DGKZ: variants seen among roughly 807,000 people sequenced by gnomAD.
DGKZ encodes diacylglycerol kinase zeta.
In DGKZ, 45 loss-of-function variants were observed where a neutral mutation model predicts 142.5. The ratio of observed to expected loss-of-function variants is 0.32; its 90% CI spans 0.25 to 0.40. The LOEUF (loss-of-function observed/expected upper bound fraction) is 0.40, where lower values mean the gene tolerates loss of function less well. DGKZ is among the 10% of genes least tolerant of loss of function. The pLI, the probability that DGKZ is intolerant of heterozygous loss-of-function variation, is 1.00. For synonymous variants in DGKZ, 442 were observed against 527.0 expected (o/e 0.84, Z 2.21); for missense variants, 755 against 1,306.5 (o/e 0.58, Z 6.51).
chr11:46,335,423 G>GCA (rs965993033), intron 1 of DGKZ, among the ~76,000 whole-genome samples: 7 of 143,722 alleles, frequency 4.9e-5, no homozygotes, highest in African/African-American at 2.1e-4. Flanking sequence ...TTGCACACGT[G>GCA]CACGCACACA....
chr11:46,347,259 C>T (rs910465314), upstream of DGKZ: 2 of 963,608 alleles, frequency 2.1e-6, no homozygotes, highest in Non-Finnish European at 2.5e-6. The surrounding 1 kb of genome is among the most constrained non-coding windows in gnomAD (Gnocchi z 6.4). Context: ...TCCAGGCGGG[C>T]CGGGCCGGGC....
At chr11:46,379,061 A>T in exon 28 of DGKZ, 1 of 1,600,138 alleles carries the variant, frequency 6.2e-7, no homozygotes, top group South Asian at 1.1e-5. Context: ...CTCCTGCACC[A>T]CGCAGTCAGC....
At chr11:46,363,739 C>T (rs1377328605) in intron 1 of DGKZ, among the ~76,000 whole-genome samples, 1 of 152,224 alleles carries the variant, frequency 6.6e-6, no homozygotes, top group Non-Finnish European at 1.5e-5. Context: ...CTAATCTCCT[C>T]CAGGCTGGGC....
chr11:46,368,416 C>T (rs1476378578), intron 4 of DGKZ: 2 of 375,240 alleles, frequency 5.3e-6, no homozygotes, highest in Non-Finnish European at 1.0e-5. Context: ...AGCTTCATAA[C>T]TCAGCTGTGG....
exon 1 of DGKZ, chr11:46,333,233 G>T: frequency 8.1e-7 from 1 of 1,240,722 alleles, no homozygotes; most frequent in South Asian, 3.4e-5. Flanking sequence ...TTGAGCGGGT[G>T]CCCGAAAGGC....
At chr11:46,347,346 G>A (rs781757702), upstream of DGKZ, 15 of 984,656 alleles carry the variant, frequency 1.5e-5, no homozygotes, top group Non-Finnish European at 1.8e-5. The surrounding 1 kb of genome is among the most constrained non-coding windows in gnomAD (Gnocchi z 6.4). Context: ...GCAGCGCAGC[G>A]GGCGTCCGGC....
chr11:46,377,929 G>A, intron 25 of DGKZ: 1 of 551,580 alleles, frequency 1.8e-6, no homozygotes, highest in Admixed American at 3.2e-5. Flanking sequence ...CACATCACCT[G>A]TTCTGAATTC....
At chr11:46,351,231 A>AC (rs1420594536) in intron 1 of DGKZ, among the ~76,000 whole-genome samples, 2 of 151,910 alleles carry the variant, frequency 1.3e-5, no homozygotes, top group Non-Finnish European at 2.9e-5. Context: ...CTGGTTTTAC[A>AC]CCCCAGGGGC....
At chr11:46,360,442 T>C (rs1329813517) in intron 1 of DGKZ, among the ~76,000 whole-genome samples, 1 of 147,080 alleles carries the variant, frequency 6.8e-6, no homozygotes, top group East Asian at 2.0e-4. Flanking sequence ...TCCTGGAGGA[T>C]GGTGTGCCCA....
chr11:46,359,999 T>C (rs1310734775), intron 1 of DGKZ, among the ~76,000 whole-genome samples: 1 of 152,120 alleles, frequency 6.6e-6, no homozygotes, highest in African/African-American at 2.4e-5. Flanking sequence ...GCAAAGAAAA[T>C]CTATAATTAC....
At chr11:46,374,977 C>T in exon 19 of DGKZ, 1 of 1,612,656 alleles carries the variant, frequency 6.2e-7, no homozygotes, top group South Asian at 1.1e-5. Context: ...TGGGGAGCAC[C>T]ACGACTTTGA....
At chr11:46,371,209 T>C in intron 6 of DGKZ, 104 bp from the exon 7 acceptor site, 2 of 1,127,218 alleles carry the variant, frequency 1.8e-6, no homozygotes, top group South Asian at 1.4e-5. Flanking sequence ...CTGGGCAACA[T>C]AGCGAGGCCC....
intron 1 of DGKZ, among the ~76,000 whole-genome samples, chr11:46,339,834 C>A (rs547186896): frequency 1.3e-4 from 20 of 152,220 alleles, no homozygotes; most frequent in Non-Finnish European, 2.8e-4. Flanking sequence ...AAAGGCCCCT[C>A]CAAGGTCCAG....
At position 46,375,054 on chromosome 11, in the gene DGKZ, GC is replaced by G. The variant is rs778606821; in HGVS notation, c.1710+12del. The G allele has an allele frequency of 3.6e-5, 57 of 1,580,624 alleles. No homozygotes were observed. The South Asian group carries it at 5.7e-4, about 16-fold the overall frequency. On this transcript the variant is annotated intron_variant, in intron 19 of 30. Transcript: ENST00000527911. ...TCACCATGACGTCGTTGGTGAGTGG[GC>G]CCTGGGCCCATGGTGCCTGGGAGCA...
chr11:46,369,707 C>T, intron 5 of DGKZ, 157 bp downstream of exon 5: 1 of 1,052,782 alleles, frequency 9.5e-7, no homozygotes, highest in Non-Finnish European at 1.4e-6. Context: ...CTAACTAGCG[C>T]TGCCTGCGGA....
rs949562808 is a variant in DGKZ at position 46,347,893 on chromosome 11, C to T, written c.161+73C>T. The stretch of plus-strand genomic sequence containing the variant: ...CGCTCCCTCACCGGGGGACATTCCT[C>T]GGCCACTGGGGGTCCGGGCCACTTC... On this transcript the variant is annotated intron_variant, in intron 1 of 30. Coordinates refer to ENST00000527911, the Ensembl canonical transcript of DGKZ. This position sits in a 1 kb window ranked among gnomAD's most constrained non-coding sequence, Gnocchi z 6.4. 8 of 1,265,166 alleles carry T rather than the reference C, an allele frequency of 6.3e-6. No homozygotes were observed. The Admixed American group carries it at 1.7e-4, about 27-fold the overall frequency. 78.4% of individuals were successfully genotyped at this position (1,265,166 alleles called of 1,614,324 possible).
At chr11:46,353,270 C>T (rs1251335718) in intron 1 of DGKZ, among the ~76,000 whole-genome samples, 1 of 152,186 alleles carries the variant, frequency 6.6e-6, no homozygotes, top group African/African-American at 2.4e-5. Flanking sequence ...CAATGATCTT[C>T]TCATGACATT....
intron 1 of DGKZ, among the ~76,000 whole-genome samples, chr11:46,362,346 G>A (rs541580166): frequency 2.6e-5 from 4 of 152,310 alleles, no homozygotes; most frequent in Admixed American, 1.3e-4. Context: ...CTCATGGCAC[G>A]AGCAGATACC....
chr11:46,333,571 C>A, intron 1 of DGKZ: 3 of 1,276,460 alleles, frequency 2.4e-6, no homozygotes, highest in Non-Finnish European at 3.3e-6. Context: ...TTATTGTGCG[C>A]CCGCCGCCTG....
Sources: allele counts gnomAD v4.1 joint callset (sites outside exome capture counted in the v4.1 genomes callset), GRCh38; gene constraint gnomAD v4.1.1; non-coding constraint Gnocchi (gnomAD v3.1); transcripts MANE v1.5; gene names NCBI Gene and HGNC (gene_info 2026-07-23, HGNC 2026-07-21).